The following CDK6 variants were observed in gnomAD, a reference collection of about 807,000 sequenced individuals.
CDK6 encodes the protein cyclin dependent kinase 6.
CDK6 carries 6 observed loss-of-function variants against 37.1 expected under a neutral mutation model. The ratio of observed to expected loss-of-function variants is 0.16; its 90% CI spans 0.09 to 0.32. The LOEUF (loss-of-function observed/expected upper bound fraction) is 0.32, where lower values mean the gene tolerates loss of function less well. Among genes scored for constraint, CDK6 ranks in the 10% least tolerant of loss-of-function variants. The probability of loss-of-function intolerance (pLI) is 1.00; values close to 1 mark genes in which losing one functional copy is unlikely to be tolerated. For missense variants in CDK6, 224 were observed against 418.9 expected, an observed-to-expected ratio of 0.53 and a Z score of 4.06; for synonymous variants, 160 against 161.3, an observed-to-expected ratio of 0.99 and a Z score of 0.06.
intron 2 of CDK6, among the ~76,000 whole-genome samples, chr7:92,780,278 T>C (rs556216327): frequency 5.5e-4 from 83 of 152,204 alleles, no homozygotes; most frequent in Non-Finnish European, 9.9e-4. Context: ...GGCCAGAAAC[T>C]TTAATATAAC....
At position 92,672,184 on chromosome 7, in the gene CDK6, G is replaced by GACACACACACACACACAC. The variant is rs1175195840; in HGVS notation, c.538-650_538-649insGTGTGTGTGTGTGTGTGT. Among the ~76,000 whole-genome samples, 19 of 44,136 alleles carry GACACACACACACACACAC rather than the reference G, an allele frequency of 4.3e-4. 1 individual carries two copies. Among genetic ancestry groups the GACACACACACACACACAC allele is most frequent in the Middle Eastern group, 0.015 (1 of 68 alleles). The allele number at this position is 44,136 out of a possible 152,430, so 29.0% of individuals were successfully genotyped here. A position where few individuals can be genotyped will look rare whatever the true frequency, so the allele number is the denominator to read the frequency against. The stretch of plus-strand genomic sequence containing the variant: ...ATACACATACACACACACACACACA[G>GACACACACACACACACAC]ACACATACACACACACACACACACA... On this transcript the variant is annotated intron_variant, in intron 4 of 7. Transcript: ENST00000424848.
chr7:92,744,992 T>C (rs1469320337), intron 3 of CDK6, among the ~76,000 whole-genome samples: 1 of 152,184 alleles, frequency 6.6e-6, no homozygotes, highest in African/African-American at 2.4e-5. Context: ...AATAACTATA[T>C]ATATATTCAT....
chr7:92,751,734 T>G (rs558063001), intron 3 of CDK6, among the ~76,000 whole-genome samples: 37 of 152,144 alleles, frequency 2.4e-4, no homozygotes, highest in Non-Finnish European at 4.9e-4. Flanking sequence ...AACAATATAT[T>G]TTATGAATGG....
chr7:92,777,405 C>A (rs1299271947), intron 2 of CDK6, among the ~76,000 whole-genome samples: 1 of 152,140 alleles, frequency 6.6e-6, no homozygotes, highest in East Asian at 1.9e-4. Flanking sequence ...GGCCACCACG[C>A]CCAGCTAATT....
rs1300400082 is a variant in CDK6 at position 92,609,432 on chromosome 7, T to C, written c.*5708A>G. Reference sequence around the variant, plus strand: ...GTTGTTATGCTCATATACTTCAGACTTTTTTTTTTTAATTAGAGCTTCTTA... The same window carrying C: ...GTTGTTATGCTCATATACTTCAGACCTTTTTTTTTTAATTAGAGCTTCTTA... On this transcript the variant is annotated 3_prime_UTR_variant, in exon 8 of 8. Transcript: ENST00000424848. 1.9e-5 allele frequency: 3 copies of C among 159,544 alleles called. No homozygotes were observed. The highest frequency in any genetic ancestry group is 4.0e-5 in the Non-Finnish European group (3 of 74,276). 9.9% of individuals were successfully genotyped at this position (159,544 alleles called of 1,614,324 possible).
intron 5 of CDK6, among the ~76,000 whole-genome samples, chr7:92,635,721 A>C (rs998776289): frequency 5.3e-5 from 8 of 152,130 alleles, no homozygotes; most frequent in Non-Finnish European, 8.8e-5. Context: ...GGAAAATTCA[A>C]TGCTGTTATT....
intron 5 of CDK6, among the ~76,000 whole-genome samples, chr7:92,667,312 T>C (rs1238579589): frequency 6.7e-6 from 1 of 150,214 alleles, no homozygotes; most frequent in Non-Finnish European, 1.5e-5. Context: ...ATCCTCCCAC[T>C]TCAGCCTCCG....
intron 5 of CDK6, among the ~76,000 whole-genome samples, chr7:92,640,254 G>A (rs973921325): frequency 1.3e-5 from 2 of 152,272 alleles, no homozygotes; most frequent in African/African-American, 4.8e-5. Flanking sequence ...GCATCAAAGT[G>A]CAAATGGAAG....
intron 5 of CDK6, among the ~76,000 whole-genome samples, chr7:92,647,336 G>A (rs747626541): frequency 2.4e-4 from 37 of 152,172 alleles, no homozygotes; most frequent in Non-Finnish European, 5.0e-4. Context: ...GTGAATACCC[G>A]AAGGTACTGA....
intron 2 of CDK6, among the ~76,000 whole-genome samples, chr7:92,823,283 CAG>C (rs538437965): frequency 4.4e-4 from 66 of 151,618 alleles, no homozygotes; most frequent in African/African-American, 1.5e-3. Flanking sequence ...GTCTGTGAAA[CAG>C]ACTTCTTCCC....
chr7:92,766,752 T>C (rs1799591332), intron 3 of CDK6, among the ~76,000 whole-genome samples: 1 of 152,176 alleles, frequency 6.6e-6, no homozygotes, highest in Admixed American at 6.5e-5. Flanking sequence ...TATAAACGGG[T>C]ATATACTACC....
chr7:92,721,749 C>T (rs1273081698), intron 4 of CDK6, among the ~76,000 whole-genome samples: 2 of 152,166 alleles, frequency 1.3e-5, no homozygotes, highest in African/African-American at 4.8e-5. Context: ...AACTATGGTC[C>T]AGGCTACTGT....
chr7:92,658,578 T>TC (rs1562927216), intron 5 of CDK6, among the ~76,000 whole-genome samples: 9 of 142,764 alleles, frequency 6.3e-5, no homozygotes, highest in African/African-American at 1.7e-4. Flanking sequence ...AAACTCTCTC[T>TC]CTTTCTCTCT....
At chr7:92,717,052 G>A (rs568293287) in intron 4 of CDK6, among the ~76,000 whole-genome samples, 6 of 152,162 alleles carry the variant, frequency 3.9e-5, no homozygotes, top group Non-Finnish European at 5.9e-5. Context: ...TAGGGTGTCC[G>A]TATGAAAAAC....
rs2116477778 is a variant in CDK6, at chr7:92,615,289, G to A, written c.835-3C>T. On this transcript the variant is annotated splice_region_variant and splice_polypyrimidine_tract_variant and intron_variant, in intron 7 of 7. Transcript: ENST00000424848. ...GCTGGGTTAAATGTCAAACACTTCT[G>A]TAATAAAGAAAAAAATAATTGGTTG... 6.2e-7 allele frequency: 1 copy of A among 1,609,950 alleles called. No individual in the cohort carries two copies. Among genetic ancestry groups the A allele is most frequent in the East Asian group, 2.2e-5 (1 of 44,850 alleles).
At chr7:92,676,875 CG>C in intron 4 of CDK6, among the ~76,000 whole-genome samples, 1 of 150,950 alleles carries the variant, frequency 6.6e-6, no homozygotes, top group East Asian at 2.0e-4. Context: ...AGGAGAATGG[CG>C]TGAACCCGGG....
intron 3 of CDK6, among the ~76,000 whole-genome samples, chr7:92,748,506 C>G (rs1169804828): frequency 6.6e-6 from 1 of 152,178 alleles, no homozygotes. Flanking sequence ...TCCTTTATAT[C>G]ATAGAATGCT....
chr7:92,627,302 G>A (rs1367771909), intron 5 of CDK6, among the ~76,000 whole-genome samples: 3 of 152,056 alleles, frequency 2.0e-5, no homozygotes, highest in Non-Finnish European at 4.4e-5. Flanking sequence ...GGGATTTGAG[G>A]GAACTGACTG....
chr7:92,812,641 G>A (rs1212306758), intron 2 of CDK6, among the ~76,000 whole-genome samples: 1 of 151,958 alleles, frequency 6.6e-6, no homozygotes, highest in East Asian at 1.9e-4. Flanking sequence ...GCCCAGGCTG[G>A]TCTCAAATTC....
Sources: allele counts gnomAD v4.1 joint callset (sites outside exome capture counted in the v4.1 genomes callset), GRCh38; gene constraint gnomAD v4.1.1; transcripts MANE v1.5; gene names NCBI Gene and HGNC (gene_info 2026-07-23, HGNC 2026-07-21).